Variants in ADGB observed in about 807,000 individuals in gnomAD.
ADGB encodes calpain-7-like protein.
A neutral mutation model predicts 210.5 loss-of-function variants in ADGB; 172 were observed. The ratio of observed to expected loss-of-function variants is 0.82; its 90% CI spans 0.72 to 0.93. ADGB has a LOEUF of 0.93. Among genes scored for constraint, ADGB ranks in the 40% least tolerant of loss-of-function variants. The probability of loss-of-function intolerance (pLI) is 0.00; values close to 1 mark genes in which losing one functional copy is unlikely to be tolerated. For missense variants in ADGB, 2,025 were observed against 1,964.8 expected (o/e 1.03, Z -0.58); for synonymous variants, 658 against 662.7 (o/e 0.99, Z 0.11).
At chr6:146,693,394 C>G (rs969877109) in intron 12 of ADGB, among the ~76,000 whole-genome samples, 3 of 152,168 alleles carry the variant, frequency 2.0e-5, no homozygotes, top group Non-Finnish European at 2.9e-5. Context: ...GAGAAGGCAG[C>G]TGTTGGCAGG....
At chr6:146,628,640 T>C (rs530427492) in intron 1 of ADGB, among the ~76,000 whole-genome samples, 6 of 152,176 alleles carry the variant, frequency 3.9e-5, no homozygotes, top group Admixed American at 2.0e-4. Context: ...CTGCTGTTTC[T>C]TGCCTCTGAA....
At chr6:146,724,387 G>A in intron 18 of ADGB, 60 bp downstream of exon 18, 4 of 1,457,570 alleles carry the variant, frequency 2.7e-6, no homozygotes, top group South Asian at 2.9e-5. Context: ...CAAATTGTTG[G>A]TTACTAAAGA....
chr6:146,757,488 A>G (rs1777424691), intron 27 of ADGB, among the ~76,000 whole-genome samples: 1 of 151,824 alleles, frequency 6.6e-6, no homozygotes, highest in Non-Finnish European at 1.5e-5. Context: ...TGTATATTAT[A>G]TGATATCCAT....
intron 1 of ADGB, among the ~76,000 whole-genome samples, chr6:146,604,403 G>A (rs929352796): frequency 5.3e-5 from 8 of 152,046 alleles, no homozygotes; most frequent in Non-Finnish European, 1.2e-4. Context: ...TAATACTTTT[G>A]TATTTTGTTT....
intron 6 of ADGB, among the ~76,000 whole-genome samples, chr6:146,665,340 T>G (rs1480051802): frequency 6.6e-6 from 1 of 152,092 alleles, no homozygotes; most frequent in Non-Finnish European, 1.5e-5. Context: ...ATCTGTTTTT[T>G]CCTTACCAGC....
intron 2 of ADGB, among the ~76,000 whole-genome samples, chr6:146,641,445 A>G (rs1775512627): frequency 6.6e-6 from 1 of 151,888 alleles, no homozygotes; most frequent in South Asian, 2.1e-4. Flanking sequence ...AGCCAAGGCA[A>G]TCCCACGGGA....
At chr6:146,810,519 T>C (rs1338010266) in intron 35 of ADGB, among the ~76,000 whole-genome samples, 1 of 152,158 alleles carries the variant, frequency 6.6e-6, no homozygotes, top group African/African-American at 2.4e-5. Context: ...ATGGCAGCAT[T>C]ATTTACAATA....
At chr6:146,621,054 C>G (rs1780884510) in intron 1 of ADGB, among the ~76,000 whole-genome samples, 1 of 152,172 alleles carries the variant, frequency 6.6e-6, no homozygotes, top group Admixed American at 6.5e-5. Flanking sequence ...ACATGTTGCC[C>G]TGTTACTGTT....
intron 25 of ADGB, 44 bp downstream of exon 25, chr6:146,741,315 A>G: frequency 6.5e-7 from 1 of 1,536,040 alleles, no homozygotes; most frequent in Admixed American, 2.0e-5. Flanking sequence ...AATGGCAGTG[A>G]AAAGCTACCA....
intron 13 of ADGB, among the ~76,000 whole-genome samples, chr6:146,712,094 A>G (rs1776665830): frequency 6.6e-6 from 1 of 150,688 alleles, no homozygotes; most frequent in African/African-American, 2.4e-5. Flanking sequence ...CTGATTCTTG[A>G]TCTTTTATAT....
intron 1 of ADGB, among the ~76,000 whole-genome samples, chr6:146,628,731 G>T (rs919496751): frequency 6.6e-6 from 1 of 151,722 alleles, no homozygotes; most frequent in South Asian, 2.1e-4. Context: ...TATCCTTCGA[G>T]GCATGTCAGA....
chr6:146,691,362 G>C (rs1332683779), intron 11 of ADGB, 72 bp downstream of exon 11: 39 of 1,241,130 alleles, frequency 3.1e-5, no homozygotes, highest in Non-Finnish European at 3.8e-5. Flanking sequence ...TGCGGTGAAA[G>C]ATGTATGTCA....
intron 16 of ADGB, among the ~76,000 whole-genome samples, chr6:146,717,943 A>C (rs1161072063): frequency 6.6e-6 from 1 of 152,194 alleles, no homozygotes; most frequent in Non-Finnish European, 1.5e-5. Flanking sequence ...TATGTTTCCT[A>C]AAACATAAGG....
intron 33 of ADGB, among the ~76,000 whole-genome samples, chr6:146,792,738 A>T (rs1051122057): frequency 6.6e-6 from 1 of 152,202 alleles, no homozygotes; most frequent in African/African-American, 2.4e-5. Flanking sequence ...CAGGGAGGAA[A>T]GATAAAAGTC....
chr6:146,802,846 A>AT, intron 35 of ADGB: 2 of 1,609,886 alleles, frequency 1.2e-6, no homozygotes, highest in Admixed American at 3.3e-5. Flanking sequence ...TATTACCAGT[A>AT]TATCCTGGAA....
At position 146,785,634 on chromosome 6, in the gene ADGB, CT is replaced by C. The variant is rs1392145835; in HGVS notation, c.4239del (p.Ser1414AlafsTer26). The C allele has an allele frequency of 4.5e-6, 7 of 1,550,944 alleles. No individual in the cohort carries two copies. Among genetic ancestry groups the C allele is most frequent in the Admixed American group, 2.0e-5 (1 of 50,956 alleles). ...IKASQARLHY[L>X]SGFIKKTSDA... is the part of the protein sequence containing the mutation. ...GGCTTCTCAGGCTCGTTTGCATTAC[CT>C]TAGCGGGTTCATTAAGAAAACATCT... On this transcript the variant is annotated frameshift_variant, in exon 32 of 36. Coordinates refer to ENST00000397944, the MANE Select transcript of ADGB (RefSeq NM_024694.4). LOFTEE classifies it high-confidence loss of function.
At chr6:146,668,273 C>T (rs1775963419) in intron 7 of ADGB, among the ~76,000 whole-genome samples, 1 of 152,068 alleles carries the variant, frequency 6.6e-6, no homozygotes, top group African/African-American at 2.4e-5. Context: ...CCTGGACCAT[C>T]TCTGATCTTT....
intron 35 of ADGB, among the ~76,000 whole-genome samples, chr6:146,805,061 A>G (rs1778191428): frequency 6.6e-6 from 1 of 152,220 alleles, no homozygotes; most frequent in South Asian, 2.1e-4. Context: ...TTCTCATTCT[A>G]GCTATGTGTC....
chr6:146,765,428 T>C (rs1777557600), intron 28 of ADGB, among the ~76,000 whole-genome samples: 1 of 151,956 alleles, frequency 6.6e-6, no homozygotes, highest in Non-Finnish European at 1.5e-5. Flanking sequence ...ATATACTTTT[T>C]TGGCACACAT....
Sources: allele counts gnomAD v4.1 joint callset (sites outside exome capture counted in the v4.1 genomes callset), GRCh38; gene constraint gnomAD v4.1.1; transcripts MANE v1.5; gene names NCBI Gene and HGNC (gene_info 2026-07-23, HGNC 2026-07-21).